BMPR1A: variants seen among roughly 807,000 people sequenced by gnomAD.
The protein encoded by BMPR1A is bone morphogenetic protein receptor type-1A.
Under a neutral mutation model 66.0 loss-of-function variants are expected in BMPR1A, and 7 were observed. That is an observed-to-expected ratio of 0.11 (90% CI 0.06 to 0.20). BMPR1A has a LOEUF of 0.20. Among genes scored for constraint, BMPR1A ranks in the 10% least tolerant of loss-of-function variants. The pLI is 1.00. For synonymous variants in BMPR1A, 200 were observed against 229.7 expected, an observed-to-expected ratio of 0.87 and a Z score of 1.17; for missense variants, 408 against 669.1, an observed-to-expected ratio of 0.61 and a Z score of 4.31.
At chr10:86,907,737 T>C (rs886987200) in intron 7 of BMPR1A, among the ~76,000 whole-genome samples, 1 of 152,200 alleles carries the variant, frequency 6.6e-6, no homozygotes, top group African/African-American at 2.4e-5. Context: ...TTACATGTTC[T>C]CAATCATACG....
chr10:86,902,409 C>T (rs1589283779), intron 7 of BMPR1A, among the ~76,000 whole-genome samples: 1 of 151,934 alleles, frequency 6.6e-6, no homozygotes, highest in Non-Finnish European at 1.5e-5. Context: ...GAGCTACCTA[C>T]ACTTTTCACT....
At chr10:86,790,184 AAAAAATATATATATATATATATATAT>A (rs1841587137) in intron 1 of BMPR1A, among the ~76,000 whole-genome samples, 1 of 38,000 alleles carries the variant, frequency 2.6e-5, no homozygotes, top group African/African-American at 2.2e-4. Flanking sequence ...AAAAAAAAAA[AAAAAATATATATATATATATATATAT>A]ATATATATAT....
intron 1 of BMPR1A, among the ~76,000 whole-genome samples, chr10:86,790,946 T>G (rs1841607719): frequency 6.6e-6 from 1 of 152,234 alleles, no homozygotes; most frequent in South Asian, 2.1e-4. Flanking sequence ...GTTTTAGTGT[T>G]AAGAAAATGA....
intron 1 of BMPR1A, among the ~76,000 whole-genome samples, chr10:86,771,469 T>G (rs1841260287): frequency 6.6e-6 from 1 of 152,222 alleles, no homozygotes; most frequent in Non-Finnish European, 1.5e-5. Context: ...ATATAGTTAC[T>G]ATTATCAGTT....
intron 3 of BMPR1A, 90 bp downstream of exon 3, chr10:86,876,175 A>G (rs1404762380): frequency 1.6e-6 from 2 of 1,253,194 alleles, no homozygotes; most frequent in Non-Finnish European, 2.3e-6. Flanking sequence ...CTGTTTGAAT[A>G]GTTAGGCCCA....
chr10:86,790,412 A>G (rs1173099677), intron 1 of BMPR1A, among the ~76,000 whole-genome samples: 1 of 151,670 alleles, frequency 6.6e-6, no homozygotes, highest in Non-Finnish European at 1.5e-5. Flanking sequence ...AAAAAGCTAA[A>G]TGTTGAGTTT....
intron 1 of BMPR1A, among the ~76,000 whole-genome samples, chr10:86,811,114 C>T (rs1030342125): frequency 6.6e-6 from 1 of 152,194 alleles, no homozygotes; most frequent in Non-Finnish European, 1.5e-5. Flanking sequence ...TCTTGGTTCA[C>T]GGCAACATCT....
At chr10:86,845,593 G>A (rs925987344) in intron 2 of BMPR1A, among the ~76,000 whole-genome samples, 11 of 152,190 alleles carry the variant, frequency 7.2e-5, no homozygotes, top group African/African-American at 2.7e-4. Context: ...GAGCTGCAGA[G>A]CACCACGAAG....
chr10:86,816,092 T>C (rs1351854180), intron 1 of BMPR1A, among the ~76,000 whole-genome samples: 1 of 152,178 alleles, frequency 6.6e-6, no homozygotes, highest in Admixed American at 6.5e-5. Flanking sequence ...GCCATTGAAA[T>C]GTTGGGGTTG....
At chr10:86,809,581 A>G (rs970769766) in intron 1 of BMPR1A, among the ~76,000 whole-genome samples, 4 of 144,192 alleles carry the variant, frequency 2.8e-5, no homozygotes, top group African/African-American at 7.8e-5. Context: ...GGAGTAAGGC[A>G]CCACACCCGA....
intron 1 of BMPR1A, among the ~76,000 whole-genome samples, chr10:86,804,132 G>C (rs960386789): frequency 2.0e-5 from 3 of 151,978 alleles, no homozygotes; most frequent in Non-Finnish European, 4.4e-5. Context: ...TCTCATAGGG[G>C]ATTTAAAATA....
At chr10:86,770,859 C>T (rs759582625) in intron 1 of BMPR1A, among the ~76,000 whole-genome samples, 1 of 152,112 alleles carries the variant, frequency 6.6e-6, no homozygotes, top group Non-Finnish European at 1.5e-5. Flanking sequence ...GTGTTTGTAC[C>T]GATTTCAGAC....
chr10:86,825,962 A>G (rs1404592272), intron 1 of BMPR1A, among the ~76,000 whole-genome samples: 2 of 152,222 alleles, frequency 1.3e-5, no homozygotes, highest in East Asian at 3.8e-4. Context: ...AAATGCATAT[A>G]TTTGCAAATT....
At chr10:86,783,857 A>T (rs898018504) in intron 1 of BMPR1A, among the ~76,000 whole-genome samples, 9 of 152,206 alleles carry the variant, frequency 5.9e-5, no homozygotes, top group Admixed American at 1.3e-4. Context: ...CTTATTCTTA[A>T]GTATTATTCA....
At chr10:86,912,115 G>A in intron 7 of BMPR1A, 125 bp from the exon 8 acceptor site, 2 of 1,026,310 alleles carry the variant, frequency 1.9e-6, no homozygotes, top group Non-Finnish European at 2.9e-6. Context: ...ATTATCCAAT[G>A]ATAAGACTAA....
chr10:86,899,775 A>T lies in BMPR1A; in HGVS notation c.334-19A>T, dbSNP rs2133452985. On this transcript the variant is annotated intron_variant, in intron 5 of 12. Transcript: ENST00000372037. Reference sequence around the variant, plus strand: ...AAAATACCAAACCATTTCTAATTTTATCATTACTCTTCTTTTAGGATTCTC... The same window carrying T: ...AAAATACCAAACCATTTCTAATTTTTTCATTACTCTTCTTTTAGGATTCTC... The T allele has an allele frequency of 6.3e-7, 1 of 1,599,702 alleles. No individual in the cohort carries two copies.
intron 2 of BMPR1A, among the ~76,000 whole-genome samples, chr10:86,873,459 T>C (rs998840710): frequency 5.5e-5 from 8 of 144,552 alleles, no homozygotes; most frequent in African/African-American, 2.1e-4. Context: ...AAAAAGATGT[T>C]GTTGGTGAAT....
At chr10:86,856,344 G>T in intron 2 of BMPR1A, 1 of 406,996 alleles carries the variant, frequency 2.5e-6, no homozygotes, top group Non-Finnish European at 4.8e-6. Flanking sequence ...AGTCAGCCAT[G>T]GGAGAGAGTA....
At chr10:86,760,187 T>TGTG (rs1202228053) in intron 1 of BMPR1A, among the ~76,000 whole-genome samples, 2 of 85,746 alleles carry the variant, frequency 2.3e-5, no homozygotes, top group East Asian at 1.0e-3. Flanking sequence ...CAGATTTACC[T>TGTG]GTTTTTTTTT....
Sources: gnomAD v4.1 joint callset for allele counts (sites outside exome capture counted in the v4.1 genomes callset) on GRCh38, gnomAD v4.1.1 for gene constraint, MANE v1.5 for transcripts, NCBI Gene and HGNC (gene_info 2026-07-23, HGNC 2026-07-21) for gene names.